The following NCKAP5 variants were observed in gnomAD, a reference collection of about 807,000 sequenced individuals.
NCKAP5 encodes the protein NCK associated protein 5.
Under a neutral mutation model 167.0 loss-of-function variants are expected in NCKAP5, and 92 were observed. That is an observed-to-expected ratio of 0.55 (90% CI 0.47 to 0.66). The LOEUF is 0.66. Among genes scored for constraint, NCKAP5 ranks in the 30% least tolerant of loss-of-function variants. The pLI is 0.00. For missense variants in NCKAP5, 2,378 were observed against 2,315.0 expected (o/e 1.03, Z -0.56); for synonymous variants, 891 against 877.4 (o/e 1.02, Z -0.27).
At chr2:132,883,238 G>A (rs1040460380) in intron 8 of NCKAP5, among the ~76,000 whole-genome samples, 9 of 114,822 alleles carry the variant, frequency 7.8e-5, no homozygotes, top group Non-Finnish European at 7.2e-5. Context: ...ACACACACAC[G>A]ACACCCACCA....
Position 132,967,736 on chromosome 2 carries a change from A to G in NCKAP5, c.430-3867T>C, listed in dbSNP as rs192138256. ...GTATGGAAAACAAGACAAAGTTCCT[A>G]TATTCCATGAAATTATATTCTAATG... On this transcript the variant is annotated intron_variant, in intron 7 of 19. Coordinates refer to ENST00000409261, the MANE Select transcript of NCKAP5 (RefSeq NM_207363.3). Among the ~76,000 whole-genome samples the G allele has an allele frequency of 3.9e-5, 6 of 152,334 alleles. No homozygotes were observed. In the East Asian group the frequency reaches 9.6e-4, roughly 24 times the overall value.
intron 3 of NCKAP5, among the ~76,000 whole-genome samples, chr2:133,499,002 G>T (rs1393469024): frequency 6.6e-6 from 1 of 152,216 alleles, no homozygotes; most frequent in Non-Finnish European, 1.5e-5. Flanking sequence ...CTGCTAACTG[G>T]CAATACTGAG....
At chr2:133,597,114 G>A in the NCKAP5 span, among the ~76,000 whole-genome samples, 1 of 152,184 alleles carries the variant, frequency 6.6e-6, no homozygotes, top group Non-Finnish European at 1.5e-5. Flanking sequence ...CCCTGTCAAA[G>A]ATCCCAGTCT....
intron 3 of NCKAP5, among the ~76,000 whole-genome samples, chr2:133,341,160 G>GAA (rs112387866): frequency 6.8e-6 from 1 of 146,966 alleles, no homozygotes; most frequent in South Asian, 2.2e-4. Context: ...TTACCCCATG[G>GAA]AAAAAAAAAC....
At chr2:132,900,496 T>G (rs1319727591) in intron 8 of NCKAP5, among the ~76,000 whole-genome samples, 1 of 152,170 alleles carries the variant, frequency 6.6e-6, no homozygotes, top group Non-Finnish European at 1.5e-5. Flanking sequence ...ATATGAATTA[T>G]TGTACATATT....
At chr2:132,689,617 T>A (rs1686458655) in intron 19 of NCKAP5, among the ~76,000 whole-genome samples, 1 of 152,178 alleles carries the variant, frequency 6.6e-6, no homozygotes, top group South Asian at 2.1e-4. Flanking sequence ...ACTCCTCTCA[T>A]GCCCACAGCA....
At chr2:132,685,971 C>G (rs1685885309) in intron 19 of NCKAP5, among the ~76,000 whole-genome samples, 1 of 152,066 alleles carries the variant, frequency 6.6e-6, no homozygotes, top group Admixed American at 6.6e-5. Flanking sequence ...ACATAGGGTC[C>G]TCTATGGGAA....
At chr2:132,921,213 A>G (rs1695403841) in intron 8 of NCKAP5, among the ~76,000 whole-genome samples, 1 of 151,916 alleles carries the variant, frequency 6.6e-6, no homozygotes, top group African/African-American at 2.4e-5. Context: ...TGAACCCTTT[A>G]TCTCTCTCTC....
chr2:132,733,466 T>C (rs1347217249), intron 16 of NCKAP5, among the ~76,000 whole-genome samples: 1 of 152,198 alleles, frequency 6.6e-6, no homozygotes, highest in Non-Finnish European at 1.5e-5. Context: ...GTGCAAGAGC[T>C]TTAGCCTCTC....
intron 4 of NCKAP5, among the ~76,000 whole-genome samples, chr2:133,232,526 G>A (rs933905505): frequency 3.9e-5 from 6 of 152,084 alleles, no homozygotes; most frequent in African/African-American, 1.4e-4. Context: ...AGAAAACCCA[G>A]CAACAAACAG....
chr2:133,170,608 G>T (rs1236106310), intron 5 of NCKAP5, among the ~76,000 whole-genome samples: 1 of 152,146 alleles, frequency 6.6e-6, no homozygotes, highest in African/African-American at 2.4e-5. Context: ...CAAAGATGGA[G>T]AAAAAATAGC....
At chr2:132,819,665 ATT>A (rs752370650) in intron 11 of NCKAP5, among the ~76,000 whole-genome samples, 6 of 145,838 alleles carry the variant, frequency 4.1e-5, no homozygotes, top group East Asian at 2.0e-4. Flanking sequence ...TTTTCATTAG[ATT>A]TTTTTTTTTT....
At chr2:133,131,780 CTT>C (rs1234560542) in intron 5 of NCKAP5, among the ~76,000 whole-genome samples, 1 of 152,064 alleles carries the variant, frequency 6.6e-6, no homozygotes, top group African/African-American at 2.4e-5. Context: ...AAAGTTAACT[CTT>C]TACAAAAATG....
In NCKAP5 at chr2:133,285,677, A is replaced by G. The variant is rs75335501; in HGVS notation, c.143+17360T>C. 9.4e-3 allele frequency among the ~76,000 whole-genome samples: 1,431 copies of G among 152,304 alleles called. 28 individuals carry two copies. Among genetic ancestry groups the G allele is most frequent in the African/African-American group, 0.032 (1,344 of 41,556 alleles). On this transcript the variant is annotated intron_variant, in intron 4 of 19. Coordinates refer to ENST00000409261, the MANE Select transcript of NCKAP5 (RefSeq NM_207363.3). ...CGTATCACCATCACGATACGAGAGC[A>G]ACTCGAAGAATCTTAACGTATACCA...
chr2:132,798,029 T>C (rs981343920), intron 11 of NCKAP5, among the ~76,000 whole-genome samples: 5 of 152,182 alleles, frequency 3.3e-5, no homozygotes, highest in Non-Finnish European at 7.3e-5. Flanking sequence ...CAGTGGACCT[T>C]CAAATTGTGT....
At chr2:133,399,399 A>G (rs750393040) in intron 3 of NCKAP5, among the ~76,000 whole-genome samples, 1 of 151,292 alleles carries the variant, frequency 6.6e-6, no homozygotes, top group Non-Finnish European at 1.5e-5. Context: ...AAAAAAAAAC[A>G]AAACATAAAA....
intron 3 of NCKAP5, among the ~76,000 whole-genome samples, chr2:133,399,509 T>C (rs1322426986): frequency 6.6e-6 from 1 of 152,176 alleles, no homozygotes; most frequent in Non-Finnish European, 1.5e-5. Flanking sequence ...AGAATTCAAA[T>C]TGCCAAAGCC....
At chr2:132,936,510 G>A (rs1285342798) in intron 8 of NCKAP5, among the ~76,000 whole-genome samples, 2 of 152,138 alleles carry the variant, frequency 1.3e-5, no homozygotes, top group Admixed American at 1.3e-4. Context: ...TGCACAAGGG[G>A]GTGGGTTACA....
Position 133,341,130 on chromosome 2 carries a change from T to A in NCKAP5, c.70-38020A>T, listed in dbSNP as rs111394478. ...ATTAGATCAAATGGATTCCTTGTTA[T>A]CTCCTACAACCACATTCTTTTACCC... On this transcript the variant is annotated intron_variant, in intron 3 of 19. Coordinates refer to ENST00000409261, the MANE Select transcript of NCKAP5 (RefSeq NM_207363.3). Among the ~76,000 whole-genome samples, 1,447 of 152,218 alleles carry A rather than the reference T, an allele frequency of 9.5e-3. 25 individuals carry two copies. Among genetic ancestry groups the A allele is most frequent in the African/African-American group, 0.031 (1,276 of 41,528 alleles).
Sources: gnomAD v4.1 joint callset for allele counts (sites outside exome capture counted in the v4.1 genomes callset) on GRCh38, gnomAD v4.1.1 for gene constraint, MANE v1.5 for transcripts, NCBI Gene and HGNC (gene_info 2026-07-23, HGNC 2026-07-21) for gene names.